The following MEI4 variants were observed in gnomAD, a reference collection of about 807,000 sequenced individuals.
The protein encoded by MEI4 is meiosis-specific protein MEI4.
Under a neutral mutation model 31.4 loss-of-function variants are expected in MEI4, and 27 were observed. The ratio of observed to expected loss-of-function variants is 0.86; its 90% confidence interval spans 0.63 to 1.19. MEI4 has a LOEUF of 1.19. Among genes scored for constraint, MEI4 ranks in the 50% most tolerant of loss-of-function variants. The probability of loss-of-function intolerance (pLI) is 0.00; values close to 1 mark genes in which losing one functional copy is unlikely to be tolerated. For synonymous variants in MEI4, 122 were observed against 145.4 expected, an observed-to-expected ratio of 0.84 and a Z score of 1.16; for missense variants, 329 against 398.9, an observed-to-expected ratio of 0.82 and a Z score of 1.49.
intron 4 of MEI4, among the ~76,000 whole-genome samples, chr6:77,899,498 T>C (rs1766146749): frequency 6.6e-6 from 1 of 152,102 alleles, no homozygotes; most frequent in African/African-American, 2.4e-5. Context: ...ACTGTTAGCA[T>C]TGTATCAGAT....
chr6:77,739,992 A>T (rs1767357437), intron 2 of MEI4, among the ~76,000 whole-genome samples: 1 of 152,020 alleles, frequency 6.6e-6, no homozygotes, highest in Non-Finnish European at 1.5e-5. Flanking sequence ...AGATCCTGTT[A>T]TGTTGTATCT....
chr6:77,822,914 A>G (rs1769861139), intron 3 of MEI4, among the ~76,000 whole-genome samples: 1 of 151,958 alleles, frequency 6.6e-6, no homozygotes, highest in Non-Finnish European at 1.5e-5. Flanking sequence ...GAGCCCTAAC[A>G]TAAGCAGAAG....
intron 2 of MEI4, among the ~76,000 whole-genome samples, chr6:77,706,460 AACAG>A (rs1312976561): frequency 6.6e-6 from 1 of 152,152 alleles, no homozygotes; most frequent in African/African-American, 2.4e-5. Context: ...CTAAGCATAA[AACAG>A]ACAATTTTCT....
chr6:77,831,392 A>T (rs555609999), intron 4 of MEI4, among the ~76,000 whole-genome samples: 1 of 151,860 alleles, frequency 6.6e-6, no homozygotes, highest in South Asian at 2.1e-4. Context: ...CAAGAATCCC[A>T]CTGCTGGCTA....
chr6:77,764,640 A>G (rs1354448940), intron 3 of MEI4, among the ~76,000 whole-genome samples: 1 of 152,200 alleles, frequency 6.6e-6, no homozygotes, highest in Admixed American at 6.6e-5. Context: ...TTTCCAGTCA[A>G]CAGCAAAAGA....
chr6:77,696,317 G>A (rs1766042021), intron 2 of MEI4, among the ~76,000 whole-genome samples: 1 of 152,162 alleles, frequency 6.6e-6, no homozygotes, highest in Non-Finnish European at 1.5e-5. Context: ...TAGGAGTGGT[G>A]AGAGAGGGCA....
At chr6:77,801,708 A>G (rs185298913) in intron 3 of MEI4, among the ~76,000 whole-genome samples, 273 of 152,046 alleles carry the variant, frequency 1.8e-3, no homozygotes, top group Non-Finnish European at 3.0e-3. Flanking sequence ...TGTCATGTTT[A>G]TTTCTGCCTT....
chr6:77,854,472 G>T (rs190935375), intron 4 of MEI4, among the ~76,000 whole-genome samples: 1 of 148,966 alleles, frequency 6.7e-6, no homozygotes, highest in African/African-American at 2.5e-5. Context: ...AATTTCCATG[G>T]TACTATGTAC....
chr6:77,903,198 CAG>C (rs940122823), intron 4 of MEI4, among the ~76,000 whole-genome samples: 4 of 151,732 alleles, frequency 2.6e-5, no homozygotes, highest in Admixed American at 2.0e-4. Context: ...GCTTTCAGTA[CAG>C]AGAGTCTCTG....
intron 1 of MEI4, among the ~76,000 whole-genome samples, chr6:77,664,349 T>A (rs1352109436): frequency 6.6e-6 from 1 of 152,172 alleles, no homozygotes; most frequent in Non-Finnish European, 1.5e-5. Context: ...AGTCATGAAG[T>A]GGGCTGGATT....
At chr6:77,699,745 A>C (rs1439186447) in intron 2 of MEI4, among the ~76,000 whole-genome samples, 2 of 152,182 alleles carry the variant, frequency 1.3e-5, no homozygotes, top group Admixed American at 6.5e-5. Flanking sequence ...GGTGACGTAC[A>C]GATGGGTTTT....
intron 3 of MEI4, among the ~76,000 whole-genome samples, chr6:77,775,803 C>G (rs1039440698): frequency 6.6e-6 from 1 of 152,068 alleles, no homozygotes; most frequent in Non-Finnish European, 1.5e-5. Context: ...TACTAGTTTC[C>G]GTTCCCACCA....
chr6:77,769,631 T>G (rs1768259378), intron 3 of MEI4, among the ~76,000 whole-genome samples: 1 of 152,028 alleles, frequency 6.6e-6, no homozygotes, highest in Non-Finnish European at 1.5e-5. Context: ...GGAAGAGGAC[T>G]TTGTTTTGCA....
Position 77,761,188 on chromosome 6 carries a change from T to C in MEI4, c.291T>C (p.Thr97=), listed in dbSNP as rs1768035193. 3 of 1,232,076 alleles carry C rather than the reference T, an allele frequency of 2.4e-6. No individual in the cohort carries two copies. The African/African-American group carries it at 4.7e-5, about 19-fold the overall frequency. The allele number at this position is 1,232,076 out of a possible 1,614,324, so 76.3% of individuals were successfully genotyped here. Residue 97 remains threonine, a synonymous_variant, in exon 3 of 5, where the codon ACT becomes ACC. Transcript: ENST00000684080. ...CTAAGAGTTCTGAAAGTACATTAAC[T>C]TCGATGGAAGATTCTGGATGTGATT... ...QEPKSSESTL[T]SMEDSGCDLS...
chr6:77,666,757 T>G (rs929699108), intron 1 of MEI4, among the ~76,000 whole-genome samples: 1 of 151,814 alleles, frequency 6.6e-6, no homozygotes, highest in African/African-American at 2.4e-5. Context: ...TTGATTGATA[T>G]GCAGTATTAC....
At chr6:77,755,514 G>A (rs1329929615) in intron 2 of MEI4, among the ~76,000 whole-genome samples, 2 of 151,800 alleles carry the variant, frequency 1.3e-5, no homozygotes, top group Non-Finnish European at 2.9e-5. Flanking sequence ...CACCTCCCAT[G>A]TTCAATCAGT....
chr6:77,770,800 G>A (rs911578064), intron 3 of MEI4, among the ~76,000 whole-genome samples: 1 of 151,870 alleles, frequency 6.6e-6, no homozygotes, highest in Non-Finnish European at 1.5e-5. Flanking sequence ...AAACCTAAAT[G>A]TAAAACAAAC....
intron 1 of MEI4, among the ~76,000 whole-genome samples, chr6:77,654,571 A>T (rs1768356980): frequency 1.3e-5 from 1 of 79,314 alleles, no homozygotes; most frequent in African/African-American, 6.2e-5. Context: ...ACACTAAAAA[A>T]AAAATGAATA....
chr6:77,807,958 C>T (rs139578119), intron 3 of MEI4, among the ~76,000 whole-genome samples: 1 of 152,126 alleles, frequency 6.6e-6, no homozygotes, highest in African/African-American at 2.4e-5. Context: ...TAAATCAATA[C>T]CAAGGCTGTG....
Sources: gnomAD v4.1 joint callset for allele counts (sites outside exome capture counted in the v4.1 genomes callset) on GRCh38, gnomAD v4.1.1 for gene constraint, MANE v1.5 for transcripts, NCBI Gene and HGNC (gene_info 2026-07-23, HGNC 2026-07-21) for gene names.